The following ARHGAP8 variants were observed in gnomAD, a reference collection of about 807,000 sequenced individuals.
ARHGAP8 encodes Rho GTPase activating protein 8, also known as rho GTPase-activating protein 8.
Under a neutral mutation model 46.1 loss-of-function variants are expected in ARHGAP8, and 62 were observed. That is an observed-to-expected ratio of 1.34 (90% CI 1.10 to 1.66). The LOEUF is 1.66. Among genes scored for constraint, ARHGAP8 ranks in the 40% most tolerant of loss-of-function variants. The pLI is 0.00. For missense variants in ARHGAP8, 923 were observed against 568.4 expected (o/e 1.62, Z -6.34); for synonymous variants, 375 against 243.1 (o/e 1.54, Z -5.05).
chr22:44,821,110 A>G (rs1930097645), intron 5 of ARHGAP8, among the ~76,000 whole-genome samples: 1 of 152,230 alleles, frequency 6.6e-6, no homozygotes, highest in African/African-American at 2.4e-5. Flanking sequence ...TTTTCCAGTA[A>G]CAACATAATT....
intron 9 of ARHGAP8, 58 bp from the exon 10 acceptor site, chr22:44,848,874 G>A (rs1197532781): frequency 6.2e-7 from 1 of 1,605,442 alleles, no homozygotes; most frequent in Non-Finnish European, 8.5e-7. Context: ...AGCTCGTTCT[G>A]CAGCGGCAGT....
At position 44,860,361 on chromosome 22, in the gene ARHGAP8, A is replaced by C. The variant is rs545434911; in HGVS notation, c.981+527A>C. On this transcript the variant is annotated intron_variant, in intron 11 of 11. Coordinates refer to ENST00000356099, the MANE Select transcript of ARHGAP8 (RefSeq NM_181335.3). Reference sequence around the variant, plus strand: ...TGTGCTCCTTCCAGAGGCTCTAGGGAAGGTTCCCCTTCCTGGCCTCTCCCA... The same window carrying C: ...TGTGCTCCTTCCAGAGGCTCTAGGGCAGGTTCCCCTTCCTGGCCTCTCCCA... Among the ~76,000 whole-genome samples, 18 of 152,178 alleles carry C rather than the reference A, an allele frequency of 1.2e-4. No individual in the cohort carries two copies. In the East Asian group the frequency reaches 3.3e-3, roughly 28 times the overall value.
chr22:44,827,347 T>TTTTC (rs1930605646), intron 7 of ARHGAP8, among the ~76,000 whole-genome samples: 1 of 123,740 alleles, frequency 8.1e-6, no homozygotes, highest in South Asian at 2.9e-4. Context: ...TTTTTTTTTT[T>TTTTC]TTTTTTTTTT....
intron 10 of ARHGAP8, chr22:44,850,366 G>A (rs1428824180): frequency 4.2e-5 from 6 of 141,328 alleles, no homozygotes; most frequent in African/African-American, 1.8e-4. Context: ...TGCGCATAGA[G>A]GTACCTATCT....
intron 7 of ARHGAP8, among the ~76,000 whole-genome samples, chr22:44,828,425 A>ATTT (rs535537198): frequency 8.5e-6 from 1 of 118,284 alleles, no homozygotes; most frequent in Admixed American, 8.6e-5. Flanking sequence ...GCAGACCAGA[A>ATTT]TTTTTTTTTT....
chr22:44,861,138 ATTTTTGTTTT>A (rs1049848500), intron 11 of ARHGAP8, among the ~76,000 whole-genome samples: 29 of 152,024 alleles, frequency 1.9e-4, no homozygotes, highest in Non-Finnish European at 4.0e-4. Flanking sequence ...TGCCCGGCTA[ATTTTTGTTTT>A]TTTAGTAGAG....
intron 5 of ARHGAP8, among the ~76,000 whole-genome samples, chr22:44,818,916 C>CTGGA (rs1929942421): frequency 6.6e-6 from 1 of 151,972 alleles, no homozygotes; most frequent in Non-Finnish European, 1.5e-5. Flanking sequence ...CCAGGCTGGA[C>CTGGA]TGGAACTCCT....
In ARHGAP8 at chr22:44,856,483, A is replaced by G. The variant is rs545735517; in HGVS notation, c.878-3248A>G. On this transcript the variant is annotated intron_variant, in intron 10 of 11. Coordinates refer to ENST00000356099, the MANE Select transcript of ARHGAP8 (RefSeq NM_181335.3). The stretch of plus-strand genomic sequence containing the variant: ...GAGACGGGGTTTCACCGTGTTGGCC[A>G]GGCTGGTCTTGAACTCCTGATCTCA... Among the ~76,000 whole-genome samples, 5 of 152,150 alleles carry G rather than the reference A, an allele frequency of 3.3e-5. No individual in the cohort carries two copies. The South Asian group carries it at 1.0e-3, about 32-fold the overall frequency.
intron 7 of ARHGAP8, among the ~76,000 whole-genome samples, chr22:44,828,732 G>A (rs1010126189): frequency 6.6e-6 from 1 of 151,832 alleles, no homozygotes; most frequent in South Asian, 2.1e-4. Flanking sequence ...ACAGGCGTCA[G>A]CCAGCACACC....
At chr22:44,853,333 G>A (rs1396656905) in intron 10 of ARHGAP8, among the ~76,000 whole-genome samples, 1 of 152,206 alleles carries the variant, frequency 6.6e-6, no homozygotes, top group Non-Finnish European at 1.5e-5. Flanking sequence ...TTTCTCTGAA[G>A]TTTATATCAA....
intron 2 of ARHGAP8, among the ~76,000 whole-genome samples, chr22:44,798,889 C>G (rs1336562781): frequency 6.9e-6 from 1 of 145,136 alleles, no homozygotes; most frequent in African/African-American, 2.7e-5. Context: ...CTCAGCCTCC[C>G]GAGTAGCTGG....
At chr22:44,797,753 C>T (rs907530016) in intron 2 of ARHGAP8, among the ~76,000 whole-genome samples, 5 of 152,138 alleles carry the variant, frequency 3.3e-5, no homozygotes, top group South Asian at 2.1e-4. Context: ...ACACTGTGCG[C>T]GCGTGTGTGT....
chr22:44,775,308 C>G (rs1343205146), intron 1 of ARHGAP8, among the ~76,000 whole-genome samples: 2 of 152,244 alleles, frequency 1.3e-5, no homozygotes, highest in African/African-American at 4.8e-5. Context: ...GTCTGGCTGC[C>G]TGGATATCAG....
At chr22:44,826,664 G>A (rs1053622555) in intron 7 of ARHGAP8, among the ~76,000 whole-genome samples, 1 of 152,154 alleles carries the variant, frequency 6.6e-6, no homozygotes, top group Admixed American at 6.6e-5. Flanking sequence ...GACCTCAAGC[G>A]ATCCACCCCT....
At chr22:44,768,404 A>G (rs922044110) in intron 1 of ARHGAP8, among the ~76,000 whole-genome samples, 2 of 151,018 alleles carry the variant, frequency 1.3e-5, no homozygotes, top group African/African-American at 2.4e-5. Context: ...GGCTCAAGCA[A>G]TCCTCCCACC....
At chr22:44,783,804 C>A (rs1046934580) in intron 1 of ARHGAP8, among the ~76,000 whole-genome samples, 1 of 152,168 alleles carries the variant, frequency 6.6e-6, no homozygotes, top group African/African-American at 2.4e-5. Context: ...GGCTTTGTTT[C>A]CTGCCCTTTG....
intron 7 of ARHGAP8, among the ~76,000 whole-genome samples, chr22:44,829,118 CAAAAAA>C (rs57906111): frequency 1.3e-3 from 64 of 49,380 alleles, no homozygotes; most frequent in Admixed American, 2.1e-3. Flanking sequence ...ACTAAAAATA[CAAAAAA>C]AAAAAAAAAA....
chr22:44,778,185 ACCCTTT>A (rs1926564867), intron 1 of ARHGAP8, among the ~76,000 whole-genome samples: 1 of 151,686 alleles, frequency 6.6e-6, no homozygotes, highest in Admixed American at 6.6e-5. Context: ...CCCCCTTCCC[ACCCTTT>A]CCCTCTAAGT....
intron 7 of ARHGAP8, among the ~76,000 whole-genome samples, chr22:44,837,271 C>T (rs1270611432): frequency 6.6e-6 from 1 of 152,182 alleles, no homozygotes; most frequent in East Asian, 1.9e-4. Flanking sequence ...CTGAATTACT[C>T]TAAGCACATC....
Sources: allele counts gnomAD v4.1 joint callset (sites outside exome capture counted in the v4.1 genomes callset), GRCh38; gene constraint gnomAD v4.1.1; transcripts MANE v1.5; gene names NCBI Gene and HGNC (gene_info 2026-07-23, HGNC 2026-07-21).